The following CLCN6 variants were observed in gnomAD, a reference collection of about 807,000 sequenced individuals.
The protein encoded by CLCN6 is H(+)/Cl(-) exchange transporter 6.
Under a neutral mutation model 109.8 loss-of-function variants are expected in CLCN6, and 70 were observed. The observed-to-expected ratio is 0.64, with a 90% CI of 0.53 to 0.78. The LOEUF is 0.78. CLCN6 is among the 30% of genes least tolerant of loss of function. The pLI, the probability that CLCN6 is intolerant of heterozygous loss-of-function variation, is 0.00. For synonymous variants in CLCN6, 444 were observed against 447.8 expected (o/e 0.99, Z 0.11); for missense variants, 984 against 1,142.3 (o/e 0.86, Z 2.00).
intron 2 of CLCN6, among the ~76,000 whole-genome samples, chr1:11,811,413 G>A (rs980901899): frequency 1.4e-5 from 2 of 146,492 alleles, no homozygotes; most frequent in Non-Finnish European, 3.0e-5. Context: ...ACGGAGTTTC[G>A]CTCTTGTTGC....
intron 2 of CLCN6, among the ~76,000 whole-genome samples, chr1:11,814,336 G>A (rs1220242498): frequency 1.4e-5 from 2 of 146,288 alleles, no homozygotes; most frequent in East Asian, 4.2e-4. Context: ...TGCAACCTCC[G>A]CCTCCTAGGT....
chr1:11,818,135 G>T (rs1363640802), intron 4 of CLCN6, among the ~76,000 whole-genome samples: 2 of 151,876 alleles, frequency 1.3e-5, no homozygotes, highest in Non-Finnish European at 1.5e-5. Flanking sequence ...GAAATCTCAG[G>T]GTATTTATTT....
intron 14 of CLCN6, 22 bp downstream of exon 14, chr1:11,833,660 C>T: frequency 6.2e-7 from 1 of 1,612,268 alleles, no homozygotes; most frequent in Non-Finnish European, 8.5e-7. Flanking sequence ...CACTGCAGCC[C>T]AATCGTGGGT....
intron 2 of CLCN6, among the ~76,000 whole-genome samples, chr1:11,815,293 C>T (rs1570518435): frequency 6.6e-6 from 1 of 152,168 alleles, no homozygotes; most frequent in Non-Finnish European, 1.5e-5. Context: ...AAAACTTCTC[C>T]TAAAGCATGA....
intron 9 of CLCN6, 51 bp downstream of exon 9, chr1:11,826,265 C>A: frequency 7.0e-7 from 1 of 1,430,284 alleles, no homozygotes; most frequent in Non-Finnish European, 9.9e-7. Flanking sequence ...CATGTTCATG[C>A]GCTGCGGGTC....
rs556282784 is a variant in CLCN6 at position 11,841,944 on chromosome 1, G to A, written c.*1721G>A. 8.5e-5 allele frequency: 13 copies of A among 152,208 alleles called. No homozygotes were observed. The highest frequency in any genetic ancestry group is 1.6e-4 in the Non-Finnish European group (11 of 68,048). The allele number at this position is 152,208 out of a possible 1,614,324, so 9.4% of individuals were successfully genotyped here. ...GGGGATAATACTCCCAGGAAATAGC[G>A]CAGGACATCACAAGGACCAAAAAGG... On this transcript the variant is annotated 3_prime_UTR_variant, in exon 23 of 23. Transcript: ENST00000346436.
chr1:11,811,490 C>G (rs1644598877), intron 2 of CLCN6, among the ~76,000 whole-genome samples: 1 of 151,342 alleles, frequency 6.6e-6, no homozygotes, highest in South Asian at 2.1e-4. Flanking sequence ...TCAAGTGATT[C>G]TCCTGCCTCA....
At chr1:11,822,336 G>A (rs984244650) in intron 5 of CLCN6, among the ~76,000 whole-genome samples, 3 of 152,118 alleles carry the variant, frequency 2.0e-5, no homozygotes, top group African/African-American at 7.2e-5. Context: ...ACAGCTCACT[G>A]CAGCCTCAGC....
At position 11,829,187 on chromosome 1, in the gene CLCN6, G is replaced by A. The variant is rs1247378983; in HGVS notation, c.1122-9G>A. On this transcript the variant is annotated splice_polypyrimidine_tract_variant and intron_variant, in intron 12 of 22. Coordinates refer to ENST00000346436, the MANE Select transcript of CLCN6 (RefSeq NM_001286.5). ...TGTGGCGTTGTAACAGCTGTGCTTT[G>A]CCTCCTAGAGTCTTAGAGAGCCTCC... The A allele has an allele frequency of 1.2e-6, 2 of 1,612,708 alleles. No homozygotes were observed. The highest frequency in any genetic ancestry group is 1.3e-5 in the African/African-American group (1 of 74,866).
Position 11,819,572 on chromosome 1 carries a change from C to T in CLCN6, c.346+18C>T, listed in dbSNP as rs1296479138. 6.2e-7 allele frequency: 1 copy of T among 1,611,786 alleles called. No individual in the cohort carries two copies. Among genetic ancestry groups the T allele is most frequent in the African/African-American group, 1.3e-5 (1 of 74,788 alleles). ...ACAGACATGTATCCTTTTCACGGTT[C>T]CTGGTGTTCGTGGACTTCAGTGGTC... On this transcript the variant is annotated intron_variant, in intron 5 of 22. Transcript: ENST00000346436.
intron 8 of CLCN6, among the ~76,000 whole-genome samples, chr1:11,825,026 C>G (rs1210427242): frequency 6.6e-6 from 1 of 152,160 alleles, no homozygotes; most frequent in African/African-American, 2.4e-5. Flanking sequence ...TTATAGCCAC[C>G]TTCAATGATT....
rs397753775 is a variant in CLCN6 at position 11,827,322 on chromosome 1, G to GA, written c.840+101_840+102insA. ...ATGGTAGTTTTGATGAGACTGGGGG[G>GA]TCAACTGGATCAGAAACAGCTTTCC... On this transcript the variant is annotated intron_variant, in intron 10 of 22. Coordinates refer to ENST00000346436, the MANE Select transcript of CLCN6 (RefSeq NM_001286.5). 6 of 1,278,314 alleles carry GA rather than the reference G, an allele frequency of 4.7e-6. No individual in the cohort carries two copies. The African/African-American group carries it at 9.1e-5, about 19-fold the overall frequency. The allele number at this position is 1,278,314 out of a possible 1,614,324, so 79.2% of individuals were successfully genotyped here. A position where few individuals can be genotyped will look rare whatever the true frequency, so the allele number is the denominator to read the frequency against.
At chr1:11,808,880 T>A (rs1222123001) in intron 2 of CLCN6, among the ~76,000 whole-genome samples, 1 of 151,972 alleles carries the variant, frequency 6.6e-6, no homozygotes, top group East Asian at 1.9e-4. Context: ...AAATTTGAGA[T>A]GGAGTCTCAC....
intron 17 of CLCN6, among the ~76,000 whole-genome samples, chr1:11,835,219 A>G (rs1222530244): frequency 6.6e-6 from 1 of 152,222 alleles, no homozygotes; most frequent in Non-Finnish European, 1.5e-5. Flanking sequence ...AGTGGGCTAC[A>G]GTTTGCTGTG....
chr1:11,821,561 A>G (rs1644744619), intron 5 of CLCN6, among the ~76,000 whole-genome samples: 1 of 152,238 alleles, frequency 6.6e-6, no homozygotes, highest in Non-Finnish European at 1.5e-5. Context: ...GATTCAGAAC[A>G]AATAATACAG....
At chr1:11,819,423 A>T in intron 4 of CLCN6, 65 bp from the exon 5 acceptor site, 1 of 1,451,674 alleles carries the variant, frequency 6.9e-7, no homozygotes, top group South Asian at 1.1e-5. Context: ...AGAGGAGCAC[A>T]CCTGTACTAT....
chr1:11,829,113 G>A, intron 12 of CLCN6, 83 bp from the exon 13 acceptor site: 2 of 1,525,892 alleles, frequency 1.3e-6, no homozygotes, highest in East Asian at 2.3e-5. Flanking sequence ...AATCGGGGCT[G>A]GGGGTAGGCA....
intron 20 of CLCN6, among the ~76,000 whole-genome samples, chr1:11,837,731 C>T (rs573058497): frequency 6.6e-6 from 1 of 152,296 alleles, no homozygotes; most frequent in Admixed American, 6.5e-5. Flanking sequence ...CAGGGCAGCG[C>T]TCCCTGGCTC....
In CLCN6 at chr1:11,840,332, C is replaced by T; in HGVS notation, c.*109C>T. 3 of 971,476 alleles carry T rather than the reference C, an allele frequency of 3.1e-6. No homozygotes were observed. Among genetic ancestry groups the T allele is most frequent in the East Asian group, 2.4e-5 (1 of 41,526 alleles). 60.2% of individuals were successfully genotyped at this position (971,476 alleles called of 1,614,324 possible). A position where few individuals can be genotyped will look rare whatever the true frequency, so the allele number is the denominator to read the frequency against. The stretch of plus-strand genomic sequence containing the variant: ...GGGGCATGGAAGATTCCCAGTCACC[C>T]ACTCACTCAGAAAGCCGGGAGTCAT... On this transcript the variant is annotated 3_prime_UTR_variant, in exon 23 of 23. Coordinates refer to ENST00000346436, the MANE Select transcript of CLCN6 (RefSeq NM_001286.5).
Sources: gnomAD v4.1 joint callset for allele counts (sites outside exome capture counted in the v4.1 genomes callset) on GRCh38, gnomAD v4.1.1 for gene constraint, MANE v1.5 for transcripts, NCBI Gene and HGNC (gene_info 2026-07-23, HGNC 2026-07-21) for gene names.